The following BMP6 variants were observed in gnomAD, a reference collection of about 807,000 sequenced individuals.
BMP6 encodes bone morphogenetic protein 6.
BMP6 carries 17 observed loss-of-function variants against 54.1 expected under a neutral mutation model. The observed-to-expected ratio is 0.31, with a 90% confidence interval of 0.22 to 0.47. BMP6 has a LOEUF of 0.47. Ranked by LOEUF, BMP6 falls within the 20% of genes least tolerant of loss-of-function variation. BMP6 has a pLI of 1.00. For missense variants in BMP6, 720 were observed against 690.4 expected (o/e 1.04, Z -0.48); for synonymous variants, 328 against 291.2 (o/e 1.13, Z -1.28).
intron 4 of BMP6, among the ~76,000 whole-genome samples, chr6:7,873,595 A>G (rs903997396): frequency 1.3e-5 from 2 of 152,122 alleles, no homozygotes; most frequent in Non-Finnish European, 2.9e-5. Flanking sequence ...AGGCCAGGCT[A>G]AGCCAAAGTT....
intron 1 of BMP6, among the ~76,000 whole-genome samples, chr6:7,803,692 C>G (rs569218513): frequency 6.6e-6 from 1 of 152,250 alleles, no homozygotes; most frequent in South Asian, 2.1e-4. Context: ...CTCTGCCAGC[C>G]CTTTGTAACT....
chr6:7,818,349 T>C (rs1207575966), intron 1 of BMP6, among the ~76,000 whole-genome samples: 1 of 152,204 alleles, frequency 6.6e-6, no homozygotes, highest in Non-Finnish European at 1.5e-5. Context: ...CAGAAAAGAT[T>C]TTGGAATCTT....
At chr6:7,861,333 C>A in intron 2 of BMP6, 118 bp from the exon 3 acceptor site, 1 of 1,311,704 alleles carries the variant, frequency 7.6e-7, no homozygotes, top group Non-Finnish European at 1.1e-6. Context: ...TGTGCTTGTG[C>A]CTCACAGGTA....
intron 1 of BMP6, among the ~76,000 whole-genome samples, chr6:7,777,362 G>C (rs1051571483): frequency 3.9e-5 from 6 of 152,184 alleles, no homozygotes; most frequent in Non-Finnish European, 8.8e-5. Flanking sequence ...GAGGGGCGTG[G>C]ATACACTTTT....
chr6:7,838,337 T>C (rs1758908203), intron 1 of BMP6, among the ~76,000 whole-genome samples: 1 of 152,168 alleles, frequency 6.6e-6, no homozygotes, highest in Non-Finnish European at 1.5e-5. Context: ...AGGCATCCAT[T>C]GGGGCCCTTG....
intron 1 of BMP6, among the ~76,000 whole-genome samples, chr6:7,834,736 A>G (rs1451242088): frequency 2.0e-5 from 3 of 152,260 alleles, no homozygotes; most frequent in Non-Finnish European, 4.4e-5. Context: ...CACATTAAAC[A>G]GTGAAGGAGA....
intron 2 of BMP6, among the ~76,000 whole-genome samples, chr6:7,854,556 C>A (rs1047428843): frequency 1.2e-4 from 18 of 152,118 alleles, no homozygotes; most frequent in Non-Finnish European, 1.5e-5. Context: ...CAGCACTTGG[C>A]GAGGCCGGGG....
chr6:7,814,175 A>G (rs1333553304), intron 1 of BMP6, among the ~76,000 whole-genome samples: 1 of 152,212 alleles, frequency 6.6e-6, no homozygotes, highest in Non-Finnish European at 1.5e-5. Flanking sequence ...GCTTTTAAAG[A>G]GCTGCTGAGA....
intron 1 of BMP6, among the ~76,000 whole-genome samples, chr6:7,771,745 C>G (rs1317597315): frequency 6.6e-6 from 1 of 152,158 alleles, no homozygotes; most frequent in African/African-American, 2.4e-5. Context: ...GCGCATCAGC[C>G]ATTCCTTTCC....
At chr6:7,737,576 G>C (rs1376388714) in intron 1 of BMP6, among the ~76,000 whole-genome samples, 3 of 152,066 alleles carry the variant, frequency 2.0e-5, no homozygotes, top group African/African-American at 7.2e-5. Context: ...ATCCCACGTA[G>C]CTGCAGGGGT....
At position 7,880,731 on chromosome 6, in the gene BMP6, G is replaced by A; in HGVS notation, c.*388G>A. 3.7e-6 allele frequency: 1 copy of A among 272,212 alleles called. No individual in the cohort carries two copies. 16.9% of individuals were successfully genotyped at this position (272,212 alleles called of 1,614,324 possible). ...TCTCAAAGGAGTTAAATGTATTCTT[G>A]GCTAAAGGATCAGCTGGTTCAGTAC... On this transcript the variant is annotated 3_prime_UTR_variant, in exon 7 of 7. Transcript: ENST00000283147.
chr6:7,871,391 G>A (rs922147702), intron 4 of BMP6, among the ~76,000 whole-genome samples: 5 of 152,250 alleles, frequency 3.3e-5, no homozygotes, highest in African/African-American at 7.2e-5. Flanking sequence ...TGAGAGGAAT[G>A]TTTCTGCCTG....
chr6:7,878,748 C>T (rs986243084), intron 4 of BMP6, among the ~76,000 whole-genome samples: 9 of 152,242 alleles, frequency 5.9e-5, no homozygotes, highest in African/African-American at 1.7e-4. Context: ...CCCGGTCTGG[C>T]GCCTCTGGGG....
chr6:7,860,059 AT>A (rs1220460128), intron 2 of BMP6, among the ~76,000 whole-genome samples: 1 of 152,194 alleles, frequency 6.6e-6, no homozygotes, highest in African/African-American at 2.4e-5. Context: ...ACAGTATGTT[AT>A]TATGGAAAGC....
intron 1 of BMP6, among the ~76,000 whole-genome samples, chr6:7,735,539 A>G (rs1761941242): frequency 1.3e-5 from 2 of 152,206 alleles, no homozygotes; most frequent in Admixed American, 1.3e-4. Context: ...AGACTCCCAT[A>G]TCGGAATAAG....
chr6:7,819,149 C>T (rs1238824536), intron 1 of BMP6, among the ~76,000 whole-genome samples: 2 of 152,092 alleles, frequency 1.3e-5, no homozygotes, highest in East Asian at 1.9e-4. Context: ...TGTGACTGTT[C>T]ACGCGTGCAC....
intron 4 of BMP6, among the ~76,000 whole-genome samples, chr6:7,875,347 C>T (rs763473800): frequency 5.9e-5 from 9 of 152,160 alleles, no homozygotes; most frequent in Non-Finnish European, 1.3e-4. Flanking sequence ...ATACTTATTT[C>T]TTCCAGAAAT....
intron 4 of BMP6, among the ~76,000 whole-genome samples, chr6:7,870,771 G>C (rs1199286153): frequency 6.6e-6 from 1 of 152,232 alleles, no homozygotes; most frequent in Admixed American, 6.5e-5. Flanking sequence ...GGGACTACAG[G>C]CATGTGCCAT....
intron 1 of BMP6, among the ~76,000 whole-genome samples, chr6:7,748,416 C>G (rs928015652): frequency 6.6e-6 from 1 of 152,166 alleles, no homozygotes; most frequent in South Asian, 2.1e-4. Context: ...TTCTCTTATG[C>G]TAAGAGCAGG....
Sources: gnomAD v4.1 joint callset for allele counts (sites outside exome capture counted in the v4.1 genomes callset) on GRCh38, gnomAD v4.1.1 for gene constraint, MANE v1.5 for transcripts, NCBI Gene and HGNC (gene_info 2026-07-23, HGNC 2026-07-21) for gene names.